Variants in MINDY4 observed in about 807,000 individuals in gnomAD.
MINDY4 encodes probable ubiquitin carboxyl-terminal hydrolase MINDY-4.
Under a neutral mutation model 87.0 loss-of-function variants are expected in MINDY4, and 68 were observed. That is an observed-to-expected ratio of 0.78 (90% confidence interval 0.64 to 0.96). MINDY4 has a LOEUF of 0.96. Among genes scored for constraint, MINDY4 ranks in the 40% least tolerant of loss-of-function variants. MINDY4 has a pLI of 0.00. For missense variants in MINDY4, 919 were observed against 928.2 expected (o/e 0.99, Z 0.13); for synonymous variants, 379 against 363.2 (o/e 1.04, Z -0.50).
chr7:30,852,439 G>T, intron 11 of MINDY4, 160 bp downstream of exon 11: 1 of 919,052 alleles, frequency 1.1e-6, no homozygotes, highest in Non-Finnish European at 1.3e-6. Context: ...CAGACGTGGG[G>T]TGGCTTTGGG....
chr7:30,859,272 T>G lies in MINDY4; in HGVS notation c.1693T>G (p.Tyr565Asp), dbSNP rs752761273. The G allele has an allele frequency of 4.6e-5, 75 of 1,614,040 alleles. No homozygotes were observed. Among genetic ancestry groups the G allele is most frequent in the Middle Eastern group, 1.6e-4 (1 of 6,082 alleles). ...QSIHQFEVGP[Y>D]GCILLTLSAI... ...CCCCTCCCAGTTTGAAGTGGGCCCC[T>G]ATGGCTGCATCCTGCTCACCCTTTC... The change falls in exon 13 of 18, where the codon TAT becomes GAT. Residue 565 changes from tyrosine (Y) to aspartate (D), a missense_variant. Physicochemically the swap from Tyr to Asp is radical, Grantham distance 160. Transcript: ENST00000265299.
At chr7:30,840,435 G>T (rs1788995565) in intron 8 of MINDY4, among the ~76,000 whole-genome samples, 1 of 152,190 alleles carries the variant, frequency 6.6e-6, no homozygotes, top group African/African-American at 2.4e-5. Context: ...TCAACCTGTA[G>T]ACACAGAAAC....
rs535352366 is a variant in MINDY4, at chr7:30,861,131, T to TG, written c.1745+1811dup. Among the ~76,000 whole-genome samples, 507 of 152,292 alleles carry TG rather than the reference T, an allele frequency of 3.3e-3. 2 individuals carry two copies. The highest frequency in any genetic ancestry group is 4.8e-3 in the Non-Finnish European group (324 of 68,038). ...CCTGCAGGCAGATGGTCAAGGCCCCTGGGGCAGTACAGGCCTCTGCCTCCC... is the reference window on the plus strand; with the variant it reads ...CCTGCAGGCAGATGGTCAAGGCCCCTGGGGGCAGTACAGGCCTCTGCCTCCC... On this transcript the variant is annotated intron_variant, in intron 13 of 17. Coordinates refer to ENST00000265299, the MANE Select transcript of MINDY4 (RefSeq NM_032222.3).
chr7:30,785,297 CA>C (rs1584235237), intron 3 of MINDY4, among the ~76,000 whole-genome samples: 5 of 120,410 alleles, frequency 4.2e-5, no homozygotes, highest in East Asian at 2.0e-4. Flanking sequence ...CACACACACA[CA>C]CACCCATTGG....
At chr7:30,779,373 C>G (rs1273229449) in intron 2 of MINDY4, among the ~76,000 whole-genome samples, 1 of 152,148 alleles carries the variant, frequency 6.6e-6, no homozygotes, top group Non-Finnish European at 1.5e-5. Flanking sequence ...ACTACACTTT[C>G]TACTTAAATT....
chr7:30,812,729 C>G (rs1218197946), intron 5 of MINDY4, among the ~76,000 whole-genome samples: 1 of 152,148 alleles, frequency 6.6e-6, no homozygotes, highest in East Asian at 1.9e-4. Context: ...TCTGCTGAGC[C>G]CTGGGAAGCT....
At chr7:30,806,103 C>T (rs191567332) in intron 5 of MINDY4, among the ~76,000 whole-genome samples, 3 of 152,350 alleles carry the variant, frequency 2.0e-5, no homozygotes, top group Admixed American at 2.0e-4. Flanking sequence ...TTCTACTCAG[C>T]AGAGTTGTTG....
intron 5 of MINDY4, among the ~76,000 whole-genome samples, chr7:30,811,417 G>A (rs1377299210): frequency 6.6e-6 from 1 of 152,184 alleles, no homozygotes; most frequent in East Asian, 1.9e-4. Flanking sequence ...CAGCACAAGT[G>A]TACTATATCA....
At position 30,771,463 on chromosome 7, in the gene MINDY4, G is replaced by C; in HGVS notation, c.-31G>C. 6.3e-7 allele frequency: 1 copy of C among 1,592,266 alleles called. No individual in the cohort carries two copies. Among genetic ancestry groups the C allele is most frequent in the South Asian group, 1.2e-5 (1 of 86,950 alleles). On this transcript the variant is annotated 5_prime_UTR_variant, in exon 1 of 18. Transcript: ENST00000265299. The stretch of plus-strand genomic sequence containing the variant: ...GTTGCCTGGTGCTGCGGCCCGGCGT[G>C]GGCCTCGTGGGCAGAGCCAGAGCCA...
intron 9 of MINDY4, among the ~76,000 whole-genome samples, chr7:30,845,338 TC>T (rs1789174657): frequency 6.6e-6 from 1 of 152,026 alleles, no homozygotes; most frequent in African/African-American, 2.4e-5. Flanking sequence ...AAACACTGGG[TC>T]ACGTGGGCAG....
intron 3 of MINDY4, among the ~76,000 whole-genome samples, chr7:30,782,738 T>C (rs1328944947): frequency 6.6e-6 from 1 of 152,080 alleles, no homozygotes; most frequent in African/African-American, 2.4e-5. Context: ...TTTAAGGAGC[T>C]GGCTGATGGG....
chr7:30,850,546 T>C lies in MINDY4; in HGVS notation c.1538T>C (p.Val513Ala), dbSNP rs374350045. ...CGGGCAGGGGGCCGAGAGAGAGCCG[T>C]TGTTGCACTGTAAGTGGTTCCGAGG... is the stretch of plus-strand genomic sequence containing the variant. ...VWRAGGRERA[V>A]VALASRTQQF... Residue 513 changes from valine to alanine, a missense_variant, in exon 10 of 18, where the codon GTT (valine) becomes GCT (alanine). Val to Ala is a moderately conservative substitution (Grantham distance 64, BLOSUM62 0). Coordinates refer to ENST00000265299, the MANE Select transcript of MINDY4 (RefSeq NM_032222.3). The C allele has an allele frequency of 7.5e-6, 12 of 1,602,748 alleles. No homozygotes were observed. The African/African-American group carries it at 1.5e-4, about 20-fold the overall frequency.
chr7:30,830,988 C>G (rs555558089), intron 6 of MINDY4, among the ~76,000 whole-genome samples: 1 of 152,250 alleles, frequency 6.6e-6, no homozygotes, highest in South Asian at 2.1e-4. Context: ...AAGAGCTGGA[C>G]AGCAAGTCAC....
rs560122053 is a variant in MINDY4 at position 30,791,443 on chromosome 7, A to C, written c.942A>C (p.Pro314=). 1.8e-4 allele frequency: 295 copies of C among 1,614,104 alleles called. No individual in the cohort carries two copies. The South Asian group carries it at 3.0e-3, about 16-fold the overall frequency. ...ARPRDPSEDT[P]AVDGSTDTDR... ...CGAGGGATCCCTCCGAGGACACCCC[A>C]GCAGTGGACGGCAGCACAGACACGG... Residue 314 remains proline (P), a synonymous_variant, in exon 5 of 18, where the codon CCA becomes CCC. Transcript: ENST00000265299.
At chr7:30,798,323 G>C (rs773365949) in intron 5 of MINDY4, among the ~76,000 whole-genome samples, 1 of 152,128 alleles carries the variant, frequency 6.6e-6, no homozygotes, top group Non-Finnish European at 1.5e-5. Context: ...ATTGGGATTC[G>C]TGTATGGATT....
intron 6 of MINDY4, among the ~76,000 whole-genome samples, chr7:30,832,452 C>G (rs189259605): frequency 1.3e-5 from 2 of 152,334 alleles, no homozygotes; most frequent in African/African-American, 2.4e-5. Flanking sequence ...AGAGAACATT[C>G]TCAATGTTGG....
intron 13 of MINDY4, among the ~76,000 whole-genome samples, chr7:30,868,879 G>T (rs1193609599): frequency 6.6e-6 from 1 of 152,148 alleles, no homozygotes; most frequent in Non-Finnish European, 1.5e-5. Context: ...TTGGTTCAGG[G>T]TTCTGACCCT....
intron 5 of MINDY4, among the ~76,000 whole-genome samples, chr7:30,796,121 CTT>C (rs34145186): frequency 0.2 from 30,651 of 149,788 alleles, 3,394 homozygotes; most frequent in Middle Eastern, 0.29. Context: ...GAGCACTGTA[CTT>C]TTTTTTTTTT....
chr7:30,780,910 T>C (rs1786992816), intron 2 of MINDY4: 1 of 152,232 alleles, frequency 6.6e-6, no homozygotes, highest in South Asian at 2.1e-4. Context: ...TTAGACAAAA[T>C]AGTTTTTGTT....
Sources: allele counts gnomAD v4.1 joint callset (sites outside exome capture counted in the v4.1 genomes callset), GRCh38; gene constraint gnomAD v4.1.1; transcripts MANE v1.5; gene names NCBI Gene and HGNC (gene_info 2026-07-23, HGNC 2026-07-21).